NYAP2: variants seen among roughly 807,000 people sequenced by gnomAD.
NYAP2 encodes the protein neuronal tyrosine-phosphorylated phosphoinositide-3-kinase adaptor 2.
Under a neutral mutation model 50.4 loss-of-function variants are expected in NYAP2, and 23 were observed. The observed-to-expected ratio is 0.46, with a 90% CI of 0.33 to 0.65. The LOEUF (loss-of-function observed/expected upper bound fraction) is 0.65. NYAP2 is among the 30% of genes least tolerant of loss of function. The pLI is 0.02. For missense variants in NYAP2, 885 were observed against 861.0 expected (o/e 1.03, Z -0.35); for synonymous variants, 394 against 365.2 (o/e 1.08, Z -0.90).
At chr2:225,587,700 A>G (rs539835456) in intron 5 of NYAP2, among the ~76,000 whole-genome samples, 2 of 152,230 alleles carry the variant, frequency 1.3e-5, no homozygotes, top group East Asian at 3.9e-4. Flanking sequence ...CCTTTCAGAA[A>G]GAGACAGGTA....
At chr2:225,496,136 C>T (rs747948127) in intron 3 of NYAP2, among the ~76,000 whole-genome samples, 1 of 151,978 alleles carries the variant, frequency 6.6e-6, no homozygotes, top group Non-Finnish European at 1.5e-5. Context: ...GGAAAAAGTT[C>T]CAAAAGGGGG....
chr2:225,640,877 T>C (rs1693515907), intron 6 of NYAP2, among the ~76,000 whole-genome samples: 1 of 152,214 alleles, frequency 6.6e-6, no homozygotes, highest in South Asian at 2.1e-4. Context: ...ATAGATACCC[T>C]GAACACTGCT....
rs528932942 is a variant in NYAP2, at chr2:225,623,761, C to T, written c.1619-3156C>T. ...AACATGCTTGCTCTATTTAAAAATA[C>T]CTGTAGAAGCTCATAATAAATAGCT... On this transcript the variant is annotated intron_variant, in intron 5 of 6. Transcript: ENST00000636099. Among the ~76,000 whole-genome samples the T allele has an allele frequency of 3.9e-5, 6 of 152,256 alleles. No homozygotes were observed. The South Asian group carries it at 1.2e-3, about 32-fold the overall frequency.
rs115912980 is a variant in NYAP2, at chr2:225,534,159, T to A, written c.523+20487T>A. 5.4e-3 allele frequency among the ~76,000 whole-genome samples: 815 copies of A among 152,296 alleles called. 5 individuals are homozygous for A. Among genetic ancestry groups the A allele is most frequent in the African/African-American group, 0.019 (779 of 41,558 alleles). On this transcript the variant is annotated intron_variant, in intron 4 of 6. Transcript: ENST00000636099. The stretch of plus-strand genomic sequence containing the variant: ...TGAGAAAACATTCCTGTATGATAGT[T>A]TAGGGAAATATTGCGTCTGAAGGCC...
intron 4 of NYAP2, among the ~76,000 whole-genome samples, chr2:225,578,715 A>C (rs570421069): frequency 1.2e-4 from 18 of 152,300 alleles, no homozygotes; most frequent in Admixed American, 2.6e-4. Flanking sequence ...GCTTGGAAAG[A>C]GTTGTTTAAT....
chr2:225,525,888 T>G (rs892569403), intron 4 of NYAP2, among the ~76,000 whole-genome samples: 6 of 152,174 alleles, frequency 3.9e-5, no homozygotes, highest in Non-Finnish European at 8.8e-5. Context: ...TGTATCATCT[T>G]TGGACCTGAG....
chr2:225,602,130 T>C (rs544187324), intron 5 of NYAP2, among the ~76,000 whole-genome samples: 17 of 152,200 alleles, frequency 1.1e-4, no homozygotes, highest in Admixed American at 6.5e-5. Context: ...TGGGACTCAG[T>C]CTGGGGTTTT....
At chr2:225,430,671 A>T (rs574413558) in intron 3 of NYAP2, among the ~76,000 whole-genome samples, 1 of 152,142 alleles carries the variant, frequency 6.6e-6, no homozygotes, top group Non-Finnish European at 1.5e-5. Context: ...TAATCAATAC[A>T]TCAGGGATTT....
intron 3 of NYAP2, among the ~76,000 whole-genome samples, chr2:225,440,380 G>A (rs1056891572): frequency 6.6e-6 from 1 of 152,208 alleles, no homozygotes; most frequent in Non-Finnish European, 1.5e-5. Context: ...GGTTTTACCT[G>A]AATAATTTAG....
chr2:225,439,121 G>A (rs1046590071), intron 3 of NYAP2, among the ~76,000 whole-genome samples: 1 of 152,186 alleles, frequency 6.6e-6, no homozygotes, highest in African/African-American at 2.4e-5. Flanking sequence ...CAGTGCCCAG[G>A]ATCTTGGGTT....
chr2:225,694,235 C>T, the NYAP2 span, among the ~76,000 whole-genome samples: 2 of 151,444 alleles, frequency 1.3e-5, no homozygotes, highest in Non-Finnish European at 2.9e-5. Flanking sequence ...GCTTCAAATT[C>T]GTTTTAATAG....
intron 3 of NYAP2, among the ~76,000 whole-genome samples, chr2:225,509,796 G>A (rs996125221): frequency 6.6e-6 from 1 of 152,112 alleles, no homozygotes; most frequent in African/African-American, 2.4e-5. Flanking sequence ...ATTCCTCATG[G>A]CAAGTGCTCT....
chr2:225,512,815 TTCTTTCTCTC>T (rs1318525100), intron 3 of NYAP2, among the ~76,000 whole-genome samples: 1 of 40,762 alleles, frequency 2.5e-5, no homozygotes, highest in East Asian at 1.0e-3. Context: ...TTTCTTTTCT[TTCTTTCTCTC>T]TCTCTCTCTC....
intron 4 of NYAP2, among the ~76,000 whole-genome samples, chr2:225,581,091 G>T (rs1692262047): frequency 6.6e-6 from 1 of 152,190 alleles, no homozygotes; most frequent in African/African-American, 2.4e-5. Flanking sequence ...TGTCAATAAA[G>T]GGTCTTCCAG....
intron 5 of NYAP2, among the ~76,000 whole-genome samples, chr2:225,583,627 G>T (rs1302402123): frequency 2.0e-5 from 3 of 151,986 alleles, no homozygotes; most frequent in African/African-American, 7.3e-5. Context: ...AGTGAAAACA[G>T]AGACCACTAT....
intron 6 of NYAP2, among the ~76,000 whole-genome samples, chr2:225,646,461 G>C (rs550575453): frequency 6.6e-6 from 1 of 152,290 alleles, no homozygotes; most frequent in South Asian, 2.1e-4. Context: ...TGAGGCAGGA[G>C]AATCACTTGA....
intron 5 of NYAP2, among the ~76,000 whole-genome samples, chr2:225,614,067 ATC>A (rs1692944471): frequency 6.6e-6 from 1 of 152,206 alleles, no homozygotes; most frequent in African/African-American, 2.4e-5. Flanking sequence ...CCACGATTGT[ATC>A]TGAGAAAACC....
intron 3 of NYAP2, among the ~76,000 whole-genome samples, chr2:225,480,612 G>A (rs1042902753): frequency 1.3e-5 from 2 of 152,080 alleles, no homozygotes; most frequent in African/African-American, 2.4e-5. Flanking sequence ...GATATATTGT[G>A]AAGCTGTGCA....
intron 5 of NYAP2, among the ~76,000 whole-genome samples, chr2:225,618,230 C>T (rs1339404515): frequency 1.3e-5 from 2 of 152,308 alleles, no homozygotes; most frequent in East Asian, 3.9e-4. Flanking sequence ...AACCAAGGCA[C>T]CCACATGTCA....
Sources: gnomAD v4.1 joint callset for allele counts (sites outside exome capture counted in the v4.1 genomes callset) on GRCh38, gnomAD v4.1.1 for gene constraint, MANE v1.5 for transcripts, NCBI Gene and HGNC (gene_info 2026-07-23, HGNC 2026-07-21) for gene names.